The following SHISA9 variants were observed in gnomAD, a reference collection of about 807,000 sequenced individuals.
The protein encoded by SHISA9 is shisa family member 9, also known as protein shisa-9.
In SHISA9, 13 loss-of-function variants were observed where a neutral mutation model predicts 38.0. The ratio of observed to expected loss-of-function variants is 0.34; its 90% CI spans 0.22 to 0.54. The LOEUF is 0.54. SHISA9 is among the 20% of genes least tolerant of loss of function. The pLI is 0.91. For missense variants in SHISA9, 538 were observed against 575.8 expected, an observed-to-expected ratio of 0.93 and a Z score of 0.67; for synonymous variants, 275 against 242.0, an observed-to-expected ratio of 1.14 and a Z score of -1.27.
At chr16:13,164,303 T>C (rs2050618521) in intron 2 of SHISA9, among the ~76,000 whole-genome samples, 1 of 152,080 alleles carries the variant, frequency 6.6e-6, no homozygotes, top group Non-Finnish European at 1.5e-5. Flanking sequence ...GAAATTCAAG[T>C]GGTAAACCAA....
the SHISA9 span, among the ~76,000 whole-genome samples, chr16:13,467,403 C>T: frequency 6.6e-6 from 1 of 152,164 alleles, no homozygotes; most frequent in African/African-American, 2.4e-5. Context: ...CTGAGCCTGG[C>T]ACTAGCCACC....
chr16:13,022,380 G>A (rs2072867970), intron 2 of SHISA9, among the ~76,000 whole-genome samples: 1 of 151,730 alleles, frequency 6.6e-6, no homozygotes, highest in Non-Finnish European at 1.5e-5. Flanking sequence ...TGCCCAGGCT[G>A]GAGTGCAGTG....
At chr16:13,293,426 G>C in the SHISA9 span, among the ~76,000 whole-genome samples, 5 of 152,154 alleles carry the variant, frequency 3.3e-5, no homozygotes, top group Non-Finnish European at 7.3e-5. Flanking sequence ...CAGTGGTTGA[G>C]AGCCCAGACT....
the SHISA9 span, chr16:13,474,253 C>G: frequency 6.6e-6 from 1 of 152,172 alleles, no homozygotes; most frequent in Non-Finnish European, 1.5e-5. Flanking sequence ...ACATAGAAAG[C>G]AGAAACAAAT....
chr16:13,489,413 A>AC, the SHISA9 span, among the ~76,000 whole-genome samples: 1,030 of 151,820 alleles, frequency 6.8e-3, 8 homozygotes, highest in African/African-American at 0.023. Context: ...GTGTGTATAT[A>AC]TTTTTTTTCT....
intron 2 of SHISA9, among the ~76,000 whole-genome samples, chr16:13,196,095 A>C (rs1375568337): frequency 7.3e-6 from 1 of 137,468 alleles, no homozygotes; most frequent in Non-Finnish European, 1.5e-5. Flanking sequence ...CTCAAAAAAA[A>C]AAAAAAAAAA....
At chr16:13,534,763 G>A in the SHISA9 span, among the ~76,000 whole-genome samples, 1 of 152,082 alleles carries the variant, frequency 6.6e-6, no homozygotes, top group African/African-American at 2.4e-5. Flanking sequence ...GTGCTGAAAT[G>A]TTCCAAGGTG....
chr16:13,234,972 C>T, intron 4 of SHISA9, 58 bp from the exon 5 acceptor site: 3 of 1,480,838 alleles, frequency 2.0e-6, no homozygotes, highest in Non-Finnish European at 1.8e-6. Flanking sequence ...CTCTCTCTCT[C>T]TCTCTCTCTC....
chr16:13,235,445 C>G lies in SHISA9; in HGVS notation c.*36C>G. ...CAGGGAGCACCCTGGAGACCACACT[C>G]AACTGAGAGAGGCAAAAAACAACCC... On this transcript the variant is annotated 3_prime_UTR_variant, in exon 5 of 5. Coordinates refer to ENST00000558583, the MANE Select transcript of SHISA9 (RefSeq NM_001145204.3). The G allele has an allele frequency of 6.7e-7, 1 of 1,501,446 alleles. No homozygotes were observed. The highest frequency in any genetic ancestry group is 8.9e-7 in the Non-Finnish European group (1 of 1,128,630). 93.0% of individuals were successfully genotyped at this position (1,501,446 alleles called of 1,614,324 possible). A position where few individuals can be genotyped will look rare whatever the true frequency, so the allele number is the denominator to read the frequency against.
At chr16:13,496,073 A>C in the SHISA9 span, among the ~76,000 whole-genome samples, 2 of 152,186 alleles carry the variant, frequency 1.3e-5, no homozygotes, top group Non-Finnish European at 2.9e-5. Flanking sequence ...TTGTAATGCA[A>C]ATAGATACAC....
At chr16:13,362,329 G>A in the SHISA9 span, among the ~76,000 whole-genome samples, 5 of 152,176 alleles carry the variant, frequency 3.3e-5, no homozygotes, top group Admixed American at 2.6e-4. Context: ...CAGCCACTTG[G>A]GAGGTTGAGG....
the SHISA9 span, among the ~76,000 whole-genome samples, chr16:13,352,359 A>G: frequency 1.1e-4 from 16 of 152,294 alleles, no homozygotes; most frequent in African/African-American, 3.9e-4. Flanking sequence ...CAGGGTTTCA[A>G]ATGCAGCTGC....
chr16:13,380,167 T>C, the SHISA9 span, among the ~76,000 whole-genome samples: 49 of 151,234 alleles, frequency 3.2e-4, no homozygotes, highest in African/African-American at 1.1e-3. Flanking sequence ...CAAAAAAAAA[T>C]AGAAGAGGGA....
chr16:13,481,509 C>T, the SHISA9 span, among the ~76,000 whole-genome samples: 1 of 152,236 alleles, frequency 6.6e-6, no homozygotes, highest in African/African-American at 2.4e-5. Flanking sequence ...ATCCCCTCTG[C>T]TTCCACCACA....
intron 2 of SHISA9, among the ~76,000 whole-genome samples, chr16:13,059,263 G>C (rs1025694914): frequency 1.3e-5 from 2 of 151,778 alleles, no homozygotes; most frequent in African/African-American, 4.8e-5. Context: ...GAGTAGCTGG[G>C]AGTACAGGTG....
At chr16:13,511,252 A>G in the SHISA9 span, among the ~76,000 whole-genome samples, 1 of 152,228 alleles carries the variant, frequency 6.6e-6, no homozygotes, top group African/African-American at 2.4e-5. Flanking sequence ...ATTGCTAGAT[A>G]TAGGGAATTC....
the SHISA9 span, among the ~76,000 whole-genome samples, chr16:13,485,343 C>A: frequency 6.6e-6 from 1 of 152,200 alleles, no homozygotes; most frequent in Non-Finnish European, 1.5e-5. Flanking sequence ...CTTCTAGCTT[C>A]ATCCGTGTCC....
At chr16:13,337,761 T>C in the SHISA9 span, among the ~76,000 whole-genome samples, 1 of 152,122 alleles carries the variant, frequency 6.6e-6, no homozygotes, top group African/African-American at 2.4e-5. Context: ...GGGGGCAGAC[T>C]TCCCCCTGCT....
At chr16:13,162,573 C>T (rs1348832993) in intron 2 of SHISA9, among the ~76,000 whole-genome samples, 1 of 152,170 alleles carries the variant, frequency 6.6e-6, no homozygotes, top group Non-Finnish European at 1.5e-5. Context: ...CCAAACTCTC[C>T]TCTCTGGTAG....
Sources: gnomAD v4.1 joint callset for allele counts (sites outside exome capture counted in the v4.1 genomes callset) on GRCh38, gnomAD v4.1.1 for gene constraint, MANE v1.5 for transcripts, NCBI Gene and HGNC (gene_info 2026-07-23, HGNC 2026-07-21) for gene names.